The following GANC variants were observed in gnomAD, a reference collection of about 807,000 sequenced individuals.
GANC encodes neutral alpha-glucosidase C.
Under a neutral mutation model 124.2 loss-of-function variants are expected in GANC, and 117 were observed. The ratio of observed to expected loss-of-function variants is 0.94; its 90% CI spans 0.81 to 1.10. The LOEUF (loss-of-function observed/expected upper bound fraction) is 1.10. Among genes scored for constraint, GANC ranks in the 50% least tolerant of loss-of-function variants. The pLI, the probability that GANC is intolerant of heterozygous loss-of-function variation, is 0.00. For synonymous variants in GANC, 377 were observed against 376.8 expected (o/e 1.00, Z -0.01); for missense variants, 1,140 against 1,095.0 (o/e 1.04, Z -0.58).
At chr15:42,283,899 C>T (rs1414343858) in intron 3 of GANC, 2 of 702,474 alleles carry the variant, frequency 2.8e-6, no homozygotes, top group Non-Finnish European at 5.2e-6. Context: ...CAGGCCAGTG[C>T]CCAGCGTGAG....
At chr15:42,324,191 A>T (rs989040919) in intron 11 of GANC, among the ~76,000 whole-genome samples, 1 of 152,160 alleles carries the variant, frequency 6.6e-6, no homozygotes, top group African/African-American at 2.4e-5. Flanking sequence ...GCTCAACACC[A>T]CTAATCATTA....
At chr15:42,284,251 A>C (rs2051763939) in intron 3 of GANC, 2 of 524,764 alleles carry the variant, frequency 3.8e-6, no homozygotes. Flanking sequence ...GGTCTTTACT[A>C]ATTGTGATTC....
Position 42,276,363 on chromosome 15 carries a change from T to C in GANC, c.45T>C (p.Ala15=), listed in dbSNP as rs373007613. 3.3e-5 allele frequency: 48 copies of C among 1,458,978 alleles called. No individual in the cohort carries two copies. Among genetic ancestry groups the C allele is most frequent in the Non-Finnish European group, 4.2e-5 (44 of 1,042,018 alleles). The allele number at this position is 1,458,978 out of a possible 1,614,324, so 90.4% of individuals were successfully genotyped here. A position where few individuals can be genotyped will look rare whatever the true frequency, so the allele number is the denominator to read the frequency against. The part of the protein sequence containing the change: ...VKEEISLEDE[A]VDKNIFRDCN... ...TTTTATTTAGTCTTGAAGATGAAGCTGTAGATAAAAACATTTTCAGAGACT... is the reference window on the plus strand; with the variant it reads ...TTTTATTTAGTCTTGAAGATGAAGCCGTAGATAAAAACATTTTCAGAGACT... Residue 15 remains alanine (A), a synonymous_variant, in exon 2 of 24, where the codon GCT becomes GCC. Transcript: ENST00000318010.
At position 42,340,747 on chromosome 15, in the gene GANC, C is replaced by T; in HGVS notation, c.2145C>T (p.Tyr715=). 6.3e-7 allele frequency: 1 copy of T among 1,586,962 alleles called. No homozygotes were observed. Among genetic ancestry groups the T allele is most frequent in the Non-Finnish European group, 8.6e-7 (1 of 1,165,052 alleles). Residue 715 remains tyrosine (Y), a synonymous_variant, in exon 18 of 24, where the codon TAC becomes TAT. Coordinates refer to ENST00000318010, the MANE Select transcript of GANC (RefSeq NM_198141.3). ...AGACTTTTGATATGGAAGATGAATACATGCTGGGTGAGCATTTCTGTTTTT... is the reference window on the plus strand; with the variant it reads ...AGACTTTTGATATGGAAGATGAATATATGCTGGGTGAGCATTTCTGTTTTT... The part of the protein sequence containing the change: ...ELKTFDMEDE[Y]MLGSALLVHP...
intron 6 of GANC, among the ~76,000 whole-genome samples, chr15:42,304,744 A>G (rs2051977250): frequency 6.6e-6 from 1 of 152,234 alleles, no homozygotes; most frequent in African/African-American, 2.4e-5. Flanking sequence ...CCAAAACAGC[A>G]TGGTACTGGT....
At chr15:42,295,162 G>A (rs2051878592) in intron 5 of GANC, among the ~76,000 whole-genome samples, 1 of 151,856 alleles carries the variant, frequency 6.6e-6, no homozygotes, top group Non-Finnish European at 1.5e-5. Flanking sequence ...TTTTAGTAGA[G>A]ATGGGATTTC....
intron 4 of GANC, among the ~76,000 whole-genome samples, chr15:42,291,256 A>G (rs1357132600): frequency 1.3e-5 from 2 of 152,222 alleles, no homozygotes; most frequent in African/African-American, 4.8e-5. Context: ...TTATTGACTC[A>G]GGTACACATA....
chr15:42,311,126 A>G (rs1204606989), intron 10 of GANC, among the ~76,000 whole-genome samples: 1 of 152,226 alleles, frequency 6.6e-6, no homozygotes, highest in Non-Finnish European at 1.5e-5. Context: ...TCAGATGACC[A>G]GTATCCCAAC....
Position 42,287,736 on chromosome 15 carries a change from A to G in GANC, c.247A>G (p.Arg83Gly), listed in dbSNP as rs899386577. 9.3e-6 allele frequency: 15 copies of G among 1,612,894 alleles called. No individual in the cohort carries two copies. The highest frequency in any genetic ancestry group is 1.3e-5 in the Non-Finnish European group (15 of 1,179,380). The change falls in exon 4 of 24, where the codon AGG (arginine) becomes GGG (glycine). Residue 83 changes from arginine (R) to glycine (G), a missense_variant. Physicochemically the swap from Arg to Gly is moderately radical, Grantham distance 125 (BLOSUM62 -2). Coordinates refer to ENST00000318010, the MANE Select transcript of GANC (RefSeq NM_198141.3). ...EIYGIEGNIFRLKINEETPLK... is the reference protein window; with the variant it reads ...EIYGIEGNIFGLKINEETPLK... Reference sequence around the variant, plus strand: ...TTATGGTATAGAAGGAAACATTTTCAGGCTTAAAATTAATGAAGAGACTCC... The same window carrying G: ...TTATGGTATAGAAGGAAACATTTTCGGGCTTAAAATTAATGAAGAGACTCC...
chr15:42,351,560 A>G (rs2052438543), intron 23 of GANC, 128 bp downstream of exon 23: 7 of 664,716 alleles, frequency 1.1e-5, no homozygotes, highest in South Asian at 7.1e-5. Flanking sequence ...TAGAGGTGAA[A>G]TATACTAGTC....
At chr15:42,325,583 A>G (rs16973054) in intron 11 of GANC, among the ~76,000 whole-genome samples, 13,100 of 152,170 alleles carry the variant, frequency 0.086, 652 homozygotes, top group South Asian at 0.18. Flanking sequence ...GCTTATATCA[A>G]TGTTATCTGA....
intron 10 of GANC, among the ~76,000 whole-genome samples, chr15:42,317,303 A>AAGAC (rs1555414298): frequency 0.011 from 1,635 of 152,086 alleles, 26 homozygotes; most frequent in African/African-American, 0.037. Flanking sequence ...AAAATGAAAT[A>AAGAC]AGACACGAAA....
intron 22 of GANC, among the ~76,000 whole-genome samples, chr15:42,350,916 G>A (rs1353181831): frequency 6.6e-6 from 1 of 150,498 alleles, no homozygotes; most frequent in African/African-American, 2.5e-5. Context: ...GTATCACCCA[G>A]TCTGGAGTAC....
intron 3 of GANC, chr15:42,284,184 T>C (rs976840609): frequency 1.5e-5 from 9 of 599,428 alleles, no homozygotes; most frequent in South Asian, 1.2e-4. Context: ...ATTTTCCTAC[T>C]TAACACCCAC....
chr15:42,317,771 T>C (rs1239144085), intron 10 of GANC, among the ~76,000 whole-genome samples: 2 of 152,228 alleles, frequency 1.3e-5, no homozygotes, highest in African/African-American at 4.8e-5. Flanking sequence ...TGACAATTTA[T>C]GGATATGGGC....
chr15:42,301,972 C>A (rs567338066), intron 6 of GANC, among the ~76,000 whole-genome samples: 1 of 152,212 alleles, frequency 6.6e-6, no homozygotes, highest in East Asian at 1.9e-4. Flanking sequence ...AAGAGAGCAG[C>A]GGGTCTCCCA....
At chr15:42,316,995 CTAA>C (rs772354958) in intron 10 of GANC, among the ~76,000 whole-genome samples, 1 of 152,214 alleles carries the variant, frequency 6.6e-6, no homozygotes, top group East Asian at 1.9e-4. Flanking sequence ...AATGTTTACG[CTAA>C]TGATTGATAA....
intron 6 of GANC, among the ~76,000 whole-genome samples, chr15:42,302,123 G>A (rs751158358): frequency 1.8e-4 from 28 of 152,144 alleles, no homozygotes; most frequent in Non-Finnish European, 3.2e-4. Flanking sequence ...CATCTTGCGG[G>A]TGCCCCTCTG....
chr15:42,335,892 T>G (rs2052279489), intron 15 of GANC, among the ~76,000 whole-genome samples: 1 of 152,066 alleles, frequency 6.6e-6, no homozygotes, highest in African/African-American at 2.4e-5. Context: ...AGAAAATACC[T>G]AGGAATACAG....
Sources: gnomAD v4.1 joint callset for allele counts (sites outside exome capture counted in the v4.1 genomes callset) on GRCh38, gnomAD v4.1.1 for gene constraint, MANE v1.5 for transcripts, NCBI Gene and HGNC (gene_info 2026-07-23, HGNC 2026-07-21) for gene names.